Variants in ADGRF3 observed in about 807,000 individuals in gnomAD.
ADGRF3 encodes G protein-coupled receptor 113.
Under a neutral mutation model 93.2 loss-of-function variants are expected in ADGRF3, and 85 were observed. That is an observed-to-expected ratio of 0.91 (90% CI 0.77 to 1.09). The LOEUF (loss-of-function observed/expected upper bound fraction) is 1.09, where lower values mean the gene tolerates loss of function less well. Among genes scored for constraint, ADGRF3 ranks in the 50% least tolerant of loss-of-function variants. The pLI, the probability that ADGRF3 is intolerant of heterozygous loss-of-function variation, is 0.00. For missense variants in ADGRF3, 1,125 were observed against 1,246.2 expected, an observed-to-expected ratio of 0.90 and a Z score of 1.46; for synonymous variants, 534 against 532.5, an observed-to-expected ratio of 1.00 and a Z score of -0.04.
rs1451046259 is a variant in ADGRF3 at position 26,308,811 on chromosome 2, A to C, written c.*275T>G. The C allele has an allele frequency of 4.4e-6, 2 of 449,694 alleles. No homozygotes were observed. Among genetic ancestry groups the C allele is most frequent in the African/African-American group, 3.9e-5 (2 of 50,800 alleles). The allele number at this position is 449,694 out of a possible 1,614,324, so 27.9% of individuals were successfully genotyped here. ...GAAAGTTTACTTGTAATTATTCCGC[A>C]CTTTGATATCTGTCGATTATTTCTG... is the stretch of plus-strand genomic sequence containing the variant. On this transcript the variant is annotated 3_prime_UTR_variant, in exon 14 of 14. Transcript: ENST00000651242.
intron 1 of ADGRF3, among the ~76,000 whole-genome samples, chr2:26,342,882 C>G (rs1022759812): frequency 7.2e-5 from 11 of 152,176 alleles, no homozygotes; most frequent in African/African-American, 2.7e-4. Flanking sequence ...TGACATTTTT[C>G]TCTTCCCACG....
At position 26,314,444 on chromosome 2, in the gene ADGRF3, C is replaced by T. The variant is rs116332509; in HGVS notation, c.898G>A (p.Ala300Thr). ...CIPSTNLAYT[A>T]AWSPGEGSKA... ...CTGCCCTCTCCAGGGCTCCAGGCCG[C>T]GGTGTAGGCCAGGTTTGTGCTGGGG... Residue 300 changes from alanine to threonine, a missense_variant, in exon 6 of 14, where the codon GCG (alanine) becomes ACG (threonine). Physicochemically the swap from Ala to Thr is moderately conservative, Grantham distance 58. Transcript: ENST00000651242. The T allele has an allele frequency of 1.7e-3, 2,813 of 1,613,884 alleles. 42 individuals carry two copies. In the African/African-American group the frequency reaches 0.032, roughly 19 times the overall value.
chr2:26,317,057 TACAGGAGCAGAGGGG>T lies in ADGRF3; in HGVS notation c.182-17_182-3del. ...CATAGACGGAGACCAGCGCTGATTC[TACAGGAGCAGAGGGG>T]ACAGCTGGAGAGGACAGGCAGCGAG... On this transcript the variant is annotated splice_polypyrimidine_tract_variant and splice_region_variant and intron_variant, in intron 2 of 13. Coordinates refer to ENST00000651242, the MANE Select transcript of ADGRF3 (RefSeq NM_001321971.2). 6.2e-7 allele frequency: 1 copy of T among 1,607,614 alleles called. No individual in the cohort carries two copies. The highest frequency in any genetic ancestry group is 8.5e-7 in the Non-Finnish European group (1 of 1,177,494).
chr2:26,329,026 ATT>A (rs1258911835), intron 1 of ADGRF3, among the ~76,000 whole-genome samples: 2 of 152,388 alleles, frequency 1.3e-5, no homozygotes, highest in Non-Finnish European at 2.9e-5. Context: ...TGAGAGGGAT[ATT>A]ATCACGGATA....
At chr2:26,345,530 C>T (rs1343284203) in intron 1 of ADGRF3, among the ~76,000 whole-genome samples, 1 of 152,158 alleles carries the variant, frequency 6.6e-6, no homozygotes, top group African/African-American at 2.4e-5. Context: ...CTTTCAAGTC[C>T]CTCTGCTGAC....
chr2:26,312,398 C>T (rs1674252744), intron 9 of ADGRF3, among the ~76,000 whole-genome samples: 1 of 152,202 alleles, frequency 6.6e-6, no homozygotes, highest in African/African-American at 2.4e-5. Context: ...ATTCTTTGGC[C>T]CCTCCAGGTC....
chr2:26,313,677 G>A (rs977638894), intron 7 of ADGRF3, 83 bp downstream of exon 7: 23 of 1,582,454 alleles, frequency 1.5e-5, no homozygotes, highest in Non-Finnish European at 2.0e-5. Flanking sequence ...TGTTGCCCAG[G>A]GCAGAGACGT....
At position 26,325,783 on chromosome 2, in the gene ADGRF3, T is replaced by C. The variant is rs529757308; in HGVS notation, c.115-8221A>G. ...AAGGCATAATTCAGGGTTATAATCT[T>C]ATAAACTTAAGTATCTGTTAGGTAC... On this transcript the variant is annotated intron_variant, in intron 1 of 13. Transcript: ENST00000651242. Among the ~76,000 whole-genome samples the C allele has an allele frequency of 3.7e-4, 56 of 152,326 alleles. No individual in the cohort carries two copies. The South Asian group carries it at 5.2e-3, about 14-fold the overall frequency.
Position 26,317,006 on chromosome 2 carries a change from G to C in ADGRF3, c.231C>G (p.Thr77=), listed in dbSNP as rs185414650. The C allele has an allele frequency of 1.7e-5, 27 of 1,612,994 alleles. No individual in the cohort carries two copies. The highest frequency in any genetic ancestry group is 8.5e-7 in the Non-Finnish European group (1 of 1,179,548). The change falls in exon 3 of 14, where the codon ACC becomes ACG. Residue 77 remains threonine, a synonymous_variant. Coordinates refer to ENST00000651242, the MANE Select transcript of ADGRF3 (RefSeq NM_001321971.2). ...GTGTCCTGGAGAGTTCAGGGGGCCAGGTCTTATCTGGAAAGTCCAGATGTA... is the reference window on the plus strand; with the variant it reads ...GTGTCCTGGAGAGTTCAGGGGGCCACGTCTTATCTGGAAAGTCCAGATGTA... ...VYVHLDFPDK[T]WPPELSRTLT... is the part of the protein sequence containing the mutation.
intron 1 of ADGRF3, among the ~76,000 whole-genome samples, chr2:26,336,630 G>A (rs34614319): frequency 0.033 from 4,909 of 148,382 alleles, 175 homozygotes; most frequent in Non-Finnish European, 0.039. Context: ...GGAGGCTGAG[G>A]TAGGAGAATC....
chr2:26,309,417 T>G, intron 13 of ADGRF3, 109 bp downstream of exon 13: 1 of 1,544,886 alleles, frequency 6.5e-7, no homozygotes, highest in Non-Finnish European at 8.7e-7. Flanking sequence ...TGGTGTGGGC[T>G]GGGTATAGAA....
At chr2:26,342,402 T>C (rs1372532418) in intron 1 of ADGRF3, among the ~76,000 whole-genome samples, 1 of 152,232 alleles carries the variant, frequency 6.6e-6, no homozygotes, top group African/African-American at 2.4e-5. Flanking sequence ...CCCATTTTTA[T>C]GGCTTCAGTA....
chr2:26,316,899 A>G lies in ADGRF3; in HGVS notation c.325+13T>C. 6.3e-7 allele frequency: 1 copy of G among 1,591,076 alleles called. No homozygotes were observed. Among genetic ancestry groups the G allele is most frequent in the Non-Finnish European group, 8.5e-7 (1 of 1,172,062 alleles). On this transcript the variant is annotated intron_variant, in intron 3 of 13. Coordinates refer to ENST00000651242, the MANE Select transcript of ADGRF3 (RefSeq NM_001321971.2). The stretch of plus-strand genomic sequence containing the variant: ...TTCATTCACTCTCAGCCCCCTTCCC[A>G]CGCAAGTGGTACCTGTTGTGAGTCT...
In ADGRF3 at chr2:26,311,727, G is replaced by A; in HGVS notation, c.1797C>T (p.Pro599=). 1 of 1,613,358 alleles carries A rather than the reference G, an allele frequency of 6.2e-7. No homozygotes were observed. The highest frequency in any genetic ancestry group is 8.5e-7 in the Non-Finnish European group (1 of 1,179,642). Residue 599 remains proline, a synonymous_variant, in exon 10 of 14, where the codon CCC becomes CCT. Coordinates refer to ENST00000651242, the MANE Select transcript of ADGRF3 (RefSeq NM_001321971.2). The part of the protein sequence containing the change: ...LVLRKLDHLL[P]SNYGQGLGDS... ...CCCCCAGCCCTTGTCCATAGTTTGA[G>A]GGCAGAAGGTGGTCCAGTTTTCGCA...
Position 26,311,140 on chromosome 2 carries a change from GC to G in ADGRF3, c.2383del (p.Ala795ProfsTer50). 5 of 1,594,452 alleles carry G rather than the reference GC, an allele frequency of 3.1e-6. No individual in the cohort carries two copies. The highest frequency in any genetic ancestry group is 4.3e-6 in the Non-Finnish European group (5 of 1,170,924). ...LATFFWMLAQ[A>X]LVLAHQLLFV... ...GAGCAGCTGGTGGGCCAACACCAGGGCCTGCGCCAGCATCCAGAAAAAGGTG... is the reference window on the plus strand; with the variant it reads ...GAGCAGCTGGTGGGCCAACACCAGGGCTGCGCCAGCATCCAGAAAAAGGTG... On this transcript the variant is annotated frameshift_variant, in exon 10 of 14. Transcript: ENST00000651242. LOFTEE classifies it high-confidence loss of function.
chr2:26,309,270 T>C (rs1673820274), intron 13 of ADGRF3, 163 bp from the exon 14 acceptor site: 2 of 1,572,568 alleles, frequency 1.3e-6, no homozygotes, highest in Non-Finnish European at 1.7e-6. Context: ...AGAAACCAAG[T>C]CAAGGACTGG....
In ADGRF3 at chr2:26,308,864, G is replaced by C. The variant is rs540861960; in HGVS notation, c.*222C>G. ...GCAAAGGCAGGCTTATTCATTAGGTGCCTTTAGCTAATTTTTCCTGCTATT... is the reference window on the plus strand; with the variant it reads ...GCAAAGGCAGGCTTATTCATTAGGTCCCTTTAGCTAATTTTTCCTGCTATT... On this transcript the variant is annotated 3_prime_UTR_variant, in exon 14 of 14. Coordinates refer to ENST00000651242, the MANE Select transcript of ADGRF3 (RefSeq NM_001321971.2). 17 of 535,012 alleles carry C rather than the reference G, an allele frequency of 3.2e-5. No homozygotes were observed. Among genetic ancestry groups the C allele is most frequent in the Non-Finnish European group, 5.6e-5 (17 of 303,514 alleles). The allele number at this position is 535,012 out of a possible 1,614,324, so 33.1% of individuals were successfully genotyped here.
chr2:26,317,528 C>T lies in ADGRF3; in HGVS notation c.149G>A (p.Gly50Glu), dbSNP rs1299296977. ...QSQAGGESGS[G>E]QLLDQENGAG... ...TCCATTCTCTTGGTCCAGGAGCTGCCCAGATCCAGATTCCCCTCCAGCCTG... is the reference window on the plus strand; with the variant it reads ...TCCATTCTCTTGGTCCAGGAGCTGCTCAGATCCAGATTCCCCTCCAGCCTG... The change falls in exon 2 of 14, where the codon GGG becomes GAG. Residue 50 changes from glycine to glutamate, a missense_variant. By Grantham distance (98) the Gly-to-Glu change is moderately conservative. Transcript: ENST00000651242. 4 of 1,587,638 alleles carry T rather than the reference C, an allele frequency of 2.5e-6. No homozygotes were observed. Among genetic ancestry groups the T allele is most frequent in the African/African-American group, 1.3e-5 (1 of 74,112 alleles).
At chr2:26,313,302 G>T in intron 8 of ADGRF3, 75 bp downstream of exon 8, 1 of 1,444,026 alleles carries the variant, frequency 6.9e-7, no homozygotes. Flanking sequence ...GGGGAAAAGG[G>T]TCTGCAAGCT....
Sources: allele counts gnomAD v4.1 joint callset (sites outside exome capture counted in the v4.1 genomes callset), GRCh38; gene constraint gnomAD v4.1.1; transcripts MANE v1.5; gene names NCBI Gene and HGNC (gene_info 2026-07-23, HGNC 2026-07-21).